The following PLCE1 variants were observed in gnomAD, a reference collection of about 807,000 sequenced individuals.
PLCE1 encodes phospholipase C epsilon 1.
Under a neutral mutation model 242.8 loss-of-function variants are expected in PLCE1, and 119 were observed. That is an observed-to-expected ratio of 0.49 (90% CI 0.42 to 0.57). The LOEUF is 0.57. PLCE1 is among the 20% of genes least tolerant of loss of function. The pLI, the probability that PLCE1 is intolerant of heterozygous loss-of-function variation, is 0.00. For missense variants in PLCE1, 2,441 were observed against 2,788.8 expected, an observed-to-expected ratio of 0.88 and a Z score of 2.81; for synonymous variants, 945 against 1,017.4, an observed-to-expected ratio of 0.93 and a Z score of 1.35.
chr10:94,007,073 T>TG (rs1191044980), intron 1 of PLCE1, among the ~76,000 whole-genome samples: 1 of 151,980 alleles, frequency 6.6e-6, no homozygotes, highest in Non-Finnish European at 1.5e-5. Flanking sequence ...AAGAGGACTA[T>TG]GGATGATTAG....
chr10:94,045,696 G>C (rs1204444736), intron 2 of PLCE1, among the ~76,000 whole-genome samples: 1 of 152,134 alleles, frequency 6.6e-6, no homozygotes, highest in Non-Finnish European at 1.5e-5. Flanking sequence ...ACAGTTCCTG[G>C]GATGCATACA....
At chr10:94,073,378 G>A (rs1402855501) in intron 2 of PLCE1, among the ~76,000 whole-genome samples, 1 of 152,158 alleles carries the variant, frequency 6.6e-6, no homozygotes, top group African/African-American at 2.4e-5. Context: ...GTTATATGGT[G>A]CTCAGTGAGG....
chr10:94,166,180 C>A lies in PLCE1; in HGVS notation c.1493-5000C>A, dbSNP rs371140779. Among the ~76,000 whole-genome samples the A allele has an allele frequency of 2.0e-5, 3 of 152,248 alleles. No homozygotes were observed. The East Asian group carries it at 5.8e-4, about 29-fold the overall frequency. ...CTCAATAGGATAATATTCCATTGTT[C>A]TCAACTTGCTTTTTTGTCCTAAATT... is the stretch of plus-strand genomic sequence containing the variant. On this transcript the variant is annotated intron_variant, in intron 3 of 32. Coordinates refer to ENST00000371380, the MANE Select transcript of PLCE1 (RefSeq NM_016341.4).
At chr10:94,081,279 C>T (rs2044647422) in intron 2 of PLCE1, among the ~76,000 whole-genome samples, 1 of 152,118 alleles carries the variant, frequency 6.6e-6, no homozygotes, top group Non-Finnish European at 1.5e-5. Flanking sequence ...CAAATACCAA[C>T]TTCTAATCCA....
At position 94,279,782 on chromosome 10, in the gene PLCE1, G is replaced by A. The variant is rs757579659; in HGVS notation, c.4666G>A (p.Ala1556Thr). ...GTTTACAATTATTGCTATTTTACAG[G>A]CTCATCAGTTAGCATCTATGCAAGT... ...QTPVDILKQK[A>T]HQLASMQVQA... The change falls in exon 20 of 33, where the codon GCT becomes ACT. Residue 1556 changes from alanine to threonine, a missense_variant and splice_region_variant. Transcript: ENST00000371380. The A allele has an allele frequency of 1.2e-6, 2 of 1,613,674 alleles. No individual in the cohort carries two copies. Among genetic ancestry groups the A allele is most frequent in the Admixed American group, 1.7e-5 (1 of 59,988 alleles).
At chr10:94,313,122 T>G in intron 27 of PLCE1, 132 bp from the exon 28 acceptor site, 1 of 1,024,880 alleles carries the variant, frequency 9.8e-7, no homozygotes, top group Non-Finnish European at 1.5e-6. Flanking sequence ...AGCACTAGGC[T>G]ACAAATGGAC....
rs1370134566 is a variant in PLCE1 at position 94,308,502 on chromosome 10, G to A, written c.5885-79G>A. On this transcript the variant is annotated intron_variant, in intron 26 of 32. Transcript: ENST00000371380. Reference sequence around the variant, plus strand: ...TGCCCATTTTAAGGTCTTTCTACCTGTCATTTGCCGACTTCCAGGAGCATC... The same window carrying A: ...TGCCCATTTTAAGGTCTTTCTACCTATCATTTGCCGACTTCCAGGAGCATC... 7.1e-6 allele frequency: 7 copies of A among 979,850 alleles called. No homozygotes were observed. In the Admixed American group the frequency reaches 1.0e-4, roughly 14 times the overall value. The allele number at this position is 979,850 out of a possible 1,614,324, so 60.7% of individuals were successfully genotyped here. A position where few individuals can be genotyped will look rare whatever the true frequency, so the allele number is the denominator to read the frequency against.
In PLCE1 at chr10:94,284,879, A is replaced by T. The variant is rs1238732808; in HGVS notation, c.4949A>T (p.Tyr1650Phe). The change falls in exon 22 of 33, where the codon TAT (tyrosine) becomes TTT (phenylalanine). Residue 1650 changes from tyrosine (Y) to phenylalanine (F), a missense_variant. Physicochemically the swap from Tyr to Phe is conservative, Grantham distance 22. Transcript: ENST00000371380. ...VYDMELGEEFYLDQNKKESRQ... is the reference protein window; with the variant it reads ...VYDMELGEEFFLDQNKKESRQ... ...GATATGGAACTGGGAGAAGAATTTT[A>T]TCTTGATCAGAATAAAAAGGAAAGC... The T allele has an allele frequency of 6.2e-7, 1 of 1,609,014 alleles. No homozygotes were observed. The highest frequency in any genetic ancestry group is 1.3e-5 in the African/African-American group (1 of 74,834).
intron 2 of PLCE1, among the ~76,000 whole-genome samples, chr10:94,042,795 C>T (rs1198123316): frequency 6.6e-6 from 1 of 152,158 alleles, no homozygotes; most frequent in Non-Finnish European, 1.5e-5. Flanking sequence ...TTTAGAAGTA[C>T]AGTTAAGAAG....
intron 4 of PLCE1, among the ~76,000 whole-genome samples, chr10:94,176,501 G>A (rs2048130822): frequency 6.6e-6 from 1 of 152,094 alleles, no homozygotes; most frequent in African/African-American, 2.4e-5. Flanking sequence ...GCAGTATATG[G>A]TGAAAATTGA....
intron 4 of PLCE1, among the ~76,000 whole-genome samples, chr10:94,184,894 A>G (rs547392906): frequency 6.6e-6 from 1 of 152,044 alleles, no homozygotes; most frequent in African/African-American, 2.4e-5. Context: ...TAACTTGTTC[A>G]TTGCTATATC....
intron 22 of PLCE1, among the ~76,000 whole-genome samples, chr10:94,291,439 T>C (rs1447894643): frequency 6.6e-6 from 1 of 152,136 alleles, no homozygotes; most frequent in African/African-American, 2.4e-5. Flanking sequence ...AGGAAGACCC[T>C]AAAATTAACT....
chr10:94,160,186 A>G (rs189201911), intron 3 of PLCE1, among the ~76,000 whole-genome samples: 3 of 152,322 alleles, frequency 2.0e-5, no homozygotes, highest in Non-Finnish European at 4.4e-5. Context: ...TCCCTGAGGA[A>G]TCGCCACACT....
chr10:94,113,243 G>A (rs1207186225), intron 2 of PLCE1, among the ~76,000 whole-genome samples: 1 of 148,008 alleles, frequency 6.8e-6, no homozygotes, highest in Non-Finnish European at 1.5e-5. Context: ...TGTATGGAAT[G>A]TGAATTATAT....
intron 2 of PLCE1, among the ~76,000 whole-genome samples, chr10:94,037,828 G>T (rs1297320494): frequency 6.6e-6 from 1 of 152,152 alleles, no homozygotes; most frequent in Non-Finnish European, 1.5e-5. Flanking sequence ...GTAAGAGCGG[G>T]AATGAAAAAC....
intron 3 of PLCE1, among the ~76,000 whole-genome samples, chr10:94,156,630 T>C (rs1344069080): frequency 1.3e-5 from 2 of 152,190 alleles, no homozygotes; most frequent in Non-Finnish European, 2.9e-5. Context: ...GAGGAATTTT[T>C]ATTGAGGCTT....
chr10:94,288,700 C>G (rs1370091195), intron 22 of PLCE1, among the ~76,000 whole-genome samples: 1 of 152,084 alleles, frequency 6.6e-6, no homozygotes, highest in Non-Finnish European at 1.5e-5. Flanking sequence ...AGCAGGTGCC[C>G]AGGGATTCCA....
Position 94,322,047 on chromosome 10 carries a change from T to C in PLCE1, c.6489T>C (p.Asp2163=), listed in dbSNP as rs1411672451. 1 of 1,614,102 alleles carries C rather than the reference T, an allele frequency of 6.2e-7. No individual in the cohort carries two copies. The highest frequency in any genetic ancestry group is 8.5e-7 in the Non-Finnish European group (1 of 1,179,978). Residue 2163 remains aspartate (D), a synonymous_variant, in exon 30 of 33, where the codon GAT becomes GAC. Coordinates refer to ENST00000371380, the MANE Select transcript of PLCE1 (RefSeq NM_016341.4). The part of the protein sequence containing the change: ...IKAPRVSTAQ[D]VIQQTLCKAK... ...CACCCCGCGTCAGCACTGCACAGGA[T>C]GTCATTCAGCAGGTAAAAGCCTCTC...
intron 28 of PLCE1, among the ~76,000 whole-genome samples, chr10:94,313,776 A>G (rs1460733658): frequency 6.6e-6 from 1 of 152,142 alleles, no homozygotes; most frequent in African/African-American, 2.4e-5. Flanking sequence ...CAGAATTTGC[A>G]CATTAGGTGA....
Sources: gnomAD v4.1 joint callset for allele counts (sites outside exome capture counted in the v4.1 genomes callset) on GRCh38, gnomAD v4.1.1 for gene constraint, MANE v1.5 for transcripts, NCBI Gene and HGNC (gene_info 2026-07-23, HGNC 2026-07-21) for gene names.